The following TPRG1 variants were observed in gnomAD, a reference collection of about 807,000 sequenced individuals.
TPRG1 encodes tumor protein p63-regulated gene 1 protein.
TPRG1 carries 29 observed loss-of-function variants against 29.3 expected under a neutral mutation model. That is an observed-to-expected ratio of 0.99 (90% CI 0.74 to 1.35). The LOEUF is 1.35. TPRG1 is among the 40% of genes most tolerant of loss of function. TPRG1 has a pLI of 0.00. For missense variants in TPRG1, 327 were observed against 335.0 expected, an observed-to-expected ratio of 0.98 and a Z score of 0.19; for synonymous variants, 130 against 116.8, an observed-to-expected ratio of 1.11 and a Z score of -0.73.
At chr3:189,119,161 T>A (rs553015561) in intron 1 of TPRG1, among the ~76,000 whole-genome samples, 6 of 152,104 alleles carry the variant, frequency 3.9e-5, no homozygotes, top group Non-Finnish European at 8.8e-5. Context: ...AGTCATGGAG[T>A]CAAAAGAGAT....
At chr3:189,313,584 C>T (rs974912822) in intron 5 of TPRG1, among the ~76,000 whole-genome samples, 1 of 152,120 alleles carries the variant, frequency 6.6e-6, no homozygotes, top group Non-Finnish European at 1.5e-5. Flanking sequence ...TCTAATGGAA[C>T]AAATTATTAT....
intron 3 of TPRG1, among the ~76,000 whole-genome samples, chr3:189,023,072 C>T (rs1267462719): frequency 6.6e-6 from 1 of 152,256 alleles, no homozygotes; most frequent in Non-Finnish European, 1.5e-5. Context: ...GGCAATACCT[C>T]GCCCTGCTTT....
intron 5 of TPRG1, among the ~76,000 whole-genome samples, chr3:189,315,277 A>AT (rs1397695833): frequency 6.6e-5 from 8 of 121,282 alleles, no homozygotes; most frequent in Non-Finnish European, 1.0e-4. Flanking sequence ...GCCTGAAAGA[A>AT]TTGTGTGTGT....
intron 4 of TPRG1, among the ~76,000 whole-genome samples, chr3:189,074,331 G>A (rs1012058979): frequency 1.4e-5 from 2 of 147,594 alleles, no homozygotes; most frequent in African/African-American, 2.5e-5. Flanking sequence ...TCAGCTTCTT[G>A]AGTAGCTGGG....
intron 4 of TPRG1, among the ~76,000 whole-genome samples, chr3:189,078,057 T>TTCCTC (rs1560430591): frequency 2.1e-5 from 3 of 143,574 alleles, no homozygotes; most frequent in African/African-American, 8.5e-5. Flanking sequence ...CCTTCCTTCC[T>TTCCTC]TCCTTTCTCT....
intron 3 of TPRG1, among the ~76,000 whole-genome samples, chr3:189,144,559 C>A (rs7619199): frequency 0.016 from 2,437 of 152,220 alleles, 79 homozygotes; most frequent in African/African-American, 0.056. Flanking sequence ...TTGGTAGATT[C>A]ACAGGATTTT....
At chr3:189,016,325 T>G (rs1712932164) in intron 3 of TPRG1, among the ~76,000 whole-genome samples, 1 of 152,130 alleles carries the variant, frequency 6.6e-6, no homozygotes, top group Non-Finnish European at 1.5e-5. Flanking sequence ...CCAATAATTG[T>G]GCTGCCATTG....
At chr3:189,117,981 C>T (rs916547550) in intron 1 of TPRG1, among the ~76,000 whole-genome samples, 16 of 152,074 alleles carry the variant, frequency 1.1e-4, no homozygotes, top group African/African-American at 3.6e-4. Flanking sequence ...GGGTAACAGG[C>T]AGAGATTGGA....
chr3:189,215,211 C>A, intron 2 of TPRG1, 81 bp from the exon 3 acceptor site: 3 of 1,139,234 alleles, frequency 2.6e-6, no homozygotes, highest in Non-Finnish European at 2.5e-6. Flanking sequence ...TCCGGAGGAG[C>A]TGCTGGAATA....
At chr3:189,080,775 G>T in intron 4 of TPRG1, among the ~76,000 whole-genome samples, 1 of 151,966 alleles carries the variant, frequency 6.6e-6, no homozygotes. Flanking sequence ...GGTTGATTAG[G>T]AAGTACATAT....
At chr3:189,211,387 T>A (rs1160236179) in intron 2 of TPRG1, among the ~76,000 whole-genome samples, 1 of 152,196 alleles carries the variant, frequency 6.6e-6, no homozygotes, top group Non-Finnish European at 1.5e-5. Flanking sequence ...AGAAGTTCAA[T>A]TATATGAATT....
intron 4 of TPRG1, among the ~76,000 whole-genome samples, chr3:189,295,528 T>G (rs1249667688): frequency 6.9e-6 from 1 of 145,210 alleles, no homozygotes; most frequent in Non-Finnish European, 1.5e-5. Context: ...AAAAAAGGCC[T>G]TGGTCTCTTT....
At chr3:189,054,813 A>T (rs892980129) in intron 4 of TPRG1, among the ~76,000 whole-genome samples, 1 of 152,172 alleles carries the variant, frequency 6.6e-6, no homozygotes, top group African/African-American at 2.4e-5. Context: ...ATATATAACC[A>T]TAACAGATAG....
chr3:189,219,565 T>C (rs1736625157), intron 3 of TPRG1: 1 of 1,261,926 alleles, frequency 7.9e-7, no homozygotes, highest in South Asian at 1.3e-5. Flanking sequence ...TGTTTGCTTT[T>C]AGAACGGATC....
chr3:189,133,043 G>C (rs923021571), intron 3 of TPRG1, among the ~76,000 whole-genome samples: 1 of 152,184 alleles, frequency 6.6e-6, no homozygotes, highest in Admixed American at 6.5e-5. Context: ...ATGGTGCAAG[G>C]AAAACAGAGG....
intron 1 of TPRG1, among the ~76,000 whole-genome samples, chr3:189,124,452 ATTC>A (rs1479434452): frequency 1.3e-5 from 2 of 152,060 alleles, no homozygotes; most frequent in African/African-American, 4.8e-5. Flanking sequence ...AGTTTAGATT[ATTC>A]TTCTGCTAGA....
chr3:189,250,762 A>AC lies in TPRG1; in HGVS notation c.479+11853_479+11854insC, dbSNP rs201346237. Among the ~76,000 whole-genome samples the AC allele has an allele frequency of 7.8e-3, 1,185 of 151,462 alleles. 12 individuals carry two copies. The highest frequency in any genetic ancestry group is 0.026 in the African/African-American group (1,090 of 41,218). On this transcript the variant is annotated intron_variant, in intron 4 of 5. Transcript: ENST00000345063. Reference sequence around the variant, plus strand: ...TTCCCTTGTTTAAAAAAAAAAAAAAAAAAAAGCAATGATTTAATCTTAGTA... The same window carrying AC: ...TTCCCTTGTTTAAAAAAAAAAAAAAACAAAAAGCAATGATTTAATCTTAGTA...
intron 4 of TPRG1, among the ~76,000 whole-genome samples, chr3:189,249,462 G>A (rs1741837304): frequency 6.6e-6 from 1 of 151,748 alleles, no homozygotes; most frequent in South Asian, 2.1e-4. Flanking sequence ...TTTTTGATGT[G>A]CACTTGCATA....
At chr3:189,204,098 T>A (rs994270454) in intron 1 of TPRG1, among the ~76,000 whole-genome samples, 7 of 151,980 alleles carry the variant, frequency 4.6e-5, no homozygotes, top group African/African-American at 1.2e-4. Context: ...TTTTGACCCT[T>A]TGTTTTCCTA....
Sources: allele counts gnomAD v4.1 joint callset (sites outside exome capture counted in the v4.1 genomes callset), GRCh38; gene constraint gnomAD v4.1.1; transcripts MANE v1.5; gene names NCBI Gene and HGNC (gene_info 2026-07-23, HGNC 2026-07-21).